The following KLRF1 variants were observed in gnomAD, a reference collection of about 807,000 sequenced individuals.
KLRF1 encodes the protein killer cell lectin like receptor F1, also known as killer cell lectin-like receptor subfamily F member 1.
KLRF1 carries 27 observed loss-of-function variants against 30.7 expected under a neutral mutation model. The ratio of observed to expected loss-of-function variants is 0.88; its 90% CI spans 0.65 to 1.21. KLRF1 has a LOEUF of 1.21. Ranked by LOEUF, KLRF1 falls within the 50% of genes most tolerant of loss-of-function variation. The probability of loss-of-function intolerance (pLI) is 0.00; values close to 1 mark genes in which losing one functional copy is unlikely to be tolerated. For missense variants in KLRF1, 246 were observed against 259.3 expected (o/e 0.95, Z 0.35); for synonymous variants, 92 against 89.3 (o/e 1.03, Z -0.17).
the KLRF1 span, among the ~76,000 whole-genome samples, chr12:9,806,819 G>T: frequency 1.3e-5 from 2 of 151,878 alleles, no homozygotes; most frequent in Non-Finnish European, 2.9e-5. Flanking sequence ...TAGCTGAGAC[G>T]ACAGGCACAT....
intron 3 of KLRF1, among the ~76,000 whole-genome samples, chr12:9,838,618 A>G (rs185227617): frequency 4.6e-5 from 7 of 152,238 alleles, no homozygotes; most frequent in African/African-American, 1.4e-4. Context: ...CAAGGCAAAG[A>G]ACTGCAGGAT....
upstream of KLRF1, among the ~76,000 whole-genome samples, chr12:9,825,360 A>G (rs1292751065): frequency 6.6e-6 from 1 of 152,118 alleles, no homozygotes; most frequent in Admixed American, 6.5e-5. Flanking sequence ...AGTGCTGCAC[A>G]ACTACACCCA....
At chr12:9,834,361 A>C (rs2121213255) in intron 3 of KLRF1, among the ~76,000 whole-genome samples, 1 of 152,244 alleles carries the variant, frequency 6.6e-6, no homozygotes, top group East Asian at 1.9e-4. Flanking sequence ...TACAGTAATA[A>C]GAAAAATAAC....
upstream of KLRF1, among the ~76,000 whole-genome samples, chr12:9,827,234 C>A (rs112609365): frequency 4.3e-3 from 654 of 152,284 alleles, 6 homozygotes; most frequent in African/African-American, 0.015. Flanking sequence ...GGCATAATTT[C>A]CATTCCCTTG....
Position 9,833,388 on chromosome 12 carries a change from T to A in KLRF1, c.270T>A (p.Asn90Lys). The A allele has an allele frequency of 6.2e-7, 1 of 1,612,302 alleles. No homozygotes were observed. Among genetic ancestry groups the A allele is most frequent in the Non-Finnish European group, 8.5e-7 (1 of 1,179,084 alleles). ...AGGACACTGGAGATCTAAAAGTGAATAATGGCACAAGAAGAAATATAAGTA... is the reference window on the plus strand; with the variant it reads ...AGGACACTGGAGATCTAAAAGTGAAAAATGGCACAAGAAGAAATATAAGTA... ...QYEDTGDLKV[N>K]NGTRRNISNK... The change falls in exon 3 of 6, where the codon AAT (asparagine) becomes AAA (lysine). Residue 90 changes from asparagine (N) to lysine (K), a missense_variant. Physicochemically the swap from Asn to Lys is moderately conservative, Grantham distance 94. Coordinates refer to ENST00000617889, the MANE Select transcript of KLRF1 (RefSeq NM_016523.3).
At chr12:9,812,463 A>G in the KLRF1 span, among the ~76,000 whole-genome samples, 1 of 151,522 alleles carries the variant, frequency 6.6e-6, no homozygotes, top group Non-Finnish European at 1.5e-5. Context: ...GGCTGGGGAG[A>G]AGGTTGTCCG....
chr12:9,819,827 T>C, the KLRF1 span, among the ~76,000 whole-genome samples: 1 of 152,172 alleles, frequency 6.6e-6, no homozygotes, highest in Non-Finnish European at 1.5e-5. Flanking sequence ...TCCCAGACCC[T>C]GTTTCTCTTT....
At chr12:9,822,574 A>G (rs1478174462), upstream of KLRF1, among the ~76,000 whole-genome samples, 3 of 152,266 alleles carry the variant, frequency 2.0e-5, no homozygotes, top group Non-Finnish European at 4.4e-5. Flanking sequence ...AGCTGGCATA[A>G]TAACCAACTA....
At chr12:9,824,082 A>G (rs765766922), upstream of KLRF1, among the ~76,000 whole-genome samples, 1 of 152,188 alleles carries the variant, frequency 6.6e-6, no homozygotes, top group Non-Finnish European at 1.5e-5. Flanking sequence ...AACTATTCCA[A>G]AAATTTGAGT....
chr12:9,841,395 A>G (rs766332452), intron 3 of KLRF1, among the ~76,000 whole-genome samples: 16 of 152,046 alleles, frequency 1.1e-4, no homozygotes, highest in Non-Finnish European at 2.4e-4. Flanking sequence ...AATAATCTCT[A>G]CATCAAACCC....
At position 9,842,418 on chromosome 12, in the gene KLRF1, C is replaced by T; in HGVS notation, c.572C>T (p.Pro191Leu). 1.9e-6 allele frequency: 3 copies of T among 1,611,826 alleles called. No individual in the cohort carries two copies. Among genetic ancestry groups the T allele is most frequent in the Non-Finnish European group, 2.5e-6 (3 of 1,178,664 alleles). ...KMTWTWVDGS[P>L]IDSKIFFIKG... is the part of the protein sequence containing the mutation. The stretch of plus-strand genomic sequence containing the variant: ...ACATGGACTTGGGTGGATGGTTCTC[C>T]AATAGATTCAAAGATGTGAGTCTTT... The change falls in exon 5 of 6, where the codon CCA becomes CTA. Residue 191 changes from proline (P) to leucine (L), a missense_variant. Coordinates refer to ENST00000617889, the MANE Select transcript of KLRF1 (RefSeq NM_016523.3).
the KLRF1 span, among the ~76,000 whole-genome samples, chr12:9,820,987 G>A: frequency 6.6e-6 from 1 of 152,186 alleles, no homozygotes; most frequent in South Asian, 2.1e-4. Flanking sequence ...CATACCCACT[G>A]GTAGTGGCTC....
rs1016221962 is a variant in KLRF1 at position 9,833,251 on chromosome 12, A to G, written c.185-52A>G. On this transcript the variant is annotated intron_variant, in intron 2 of 5. Coordinates refer to ENST00000617889, the MANE Select transcript of KLRF1 (RefSeq NM_016523.3). ...TCATTCCATTGAATGTGTCCCTGAA[A>G]CATTCCATAGAGAAGATATTTACCT... 2.3e-6 allele frequency: 3 copies of G among 1,286,684 alleles called. 1 individual carries two copies. Among genetic ancestry groups the G allele is most frequent in the Non-Finnish European group, 3.2e-6 (3 of 947,670 alleles). The allele number at this position is 1,286,684 out of a possible 1,614,324, so 79.7% of individuals were successfully genotyped here.
rs1050417892 is a variant in KLRF1, at chr12:9,844,301, TA to T, written c.588-112del. 6 of 600,718 alleles carry T rather than the reference TA, an allele frequency of 1.0e-5. No homozygotes were observed. In the Admixed American group the frequency reaches 1.5e-4, roughly 15 times the overall value. 37.2% of individuals were successfully genotyped at this position (600,718 alleles called of 1,614,324 possible). On this transcript the variant is annotated intron_variant, in intron 5 of 5. Transcript: ENST00000617889. ...GTAATCGTTAGTGAATCCAAGTATG[TA>T]AAAATGCTTTGAGATTTTGAATTAC...
chr12:9,838,269 T>TGGC (rs1053812161), intron 3 of KLRF1, among the ~76,000 whole-genome samples: 5 of 152,106 alleles, frequency 3.3e-5, no homozygotes, highest in African/African-American at 1.2e-4. Flanking sequence ...CAACTTTGAC[T>TGGC]GGCTCTGACT....
At chr12:9,810,879 T>C in the KLRF1 span, among the ~76,000 whole-genome samples, 1 of 152,168 alleles carries the variant, frequency 6.6e-6, no homozygotes, top group South Asian at 2.1e-4. Context: ...TAAGCCAAGT[T>C]TGGATTCTGT....
chr12:9,841,727 C>A, intron 3 of KLRF1, 85 bp from the exon 4 acceptor site: 1 of 976,962 alleles, frequency 1.0e-6, no homozygotes, highest in Non-Finnish European at 1.5e-6. Flanking sequence ...CTTATTTATA[C>A]AACATGTAAG....
At chr12:9,827,422 T>C, upstream of KLRF1, 1 of 538,174 alleles carries the variant, frequency 1.9e-6, no homozygotes, top group Non-Finnish European at 3.3e-6. Context: ...TCATATGTAC[T>C]GTGAAAGGAC....
the KLRF1 span, among the ~76,000 whole-genome samples, chr12:9,809,591 G>A: frequency 6.6e-6 from 1 of 152,076 alleles, no homozygotes; most frequent in African/African-American, 2.4e-5. Context: ...TTGATGTTAC[G>A]CTTAGTTTAC....
Sources: allele counts gnomAD v4.1 joint callset (sites outside exome capture counted in the v4.1 genomes callset), GRCh38; gene constraint gnomAD v4.1.1; transcripts MANE v1.5; gene names NCBI Gene and HGNC (gene_info 2026-07-23, HGNC 2026-07-21).